The following NELL1 variants were observed in gnomAD, a reference collection of about 807,000 sequenced individuals.
NELL1 encodes neural EGFL like 1, also known as protein kinase C-binding protein NELL1.
Under a neutral mutation model 107.4 loss-of-function variants are expected in NELL1, and 76 were observed. The observed-to-expected ratio is 0.71, with a 90% CI of 0.59 to 0.86. The LOEUF (loss-of-function observed/expected upper bound fraction) is 0.86, where lower values mean the gene tolerates loss of function less well. NELL1 is among the 40% of genes least tolerant of loss of function. The probability of loss-of-function intolerance (pLI) is 0.00; values close to 1 mark genes in which losing one functional copy is unlikely to be tolerated. For synonymous variants in NELL1, 353 were observed against 341.2 expected (o/e 1.03, Z -0.38); for missense variants, 1,024 against 1,005.5 (o/e 1.02, Z -0.25).
At chr11:21,102,832 A>G (rs1053998271) in intron 12 of NELL1, among the ~76,000 whole-genome samples, 1 of 152,012 alleles carries the variant, frequency 6.6e-6, no homozygotes, top group East Asian at 1.9e-4. Context: ...CCATCCATTC[A>G]TTTTTGTCTC....
intron 12 of NELL1, among the ~76,000 whole-genome samples, chr11:21,050,163 G>A (rs1853457793): frequency 6.6e-6 from 1 of 151,994 alleles, no homozygotes; most frequent in African/African-American, 2.4e-5. Flanking sequence ...AACTTGGCTT[G>A]CCCCACTCCT....
At chr11:21,527,552 T>C (rs1855885727) in intron 15 of NELL1, among the ~76,000 whole-genome samples, 1 of 152,148 alleles carries the variant, frequency 6.6e-6, no homozygotes, top group Non-Finnish European at 1.5e-5. Flanking sequence ...ATAGGATAGA[T>C]GAATATATGA....
At chr11:20,966,027 A>G (rs914089920) in intron 12 of NELL1, among the ~76,000 whole-genome samples, 14 of 152,198 alleles carry the variant, frequency 9.2e-5, no homozygotes, top group African/African-American at 2.4e-5. Flanking sequence ...TGTGAACATC[A>G]TGATCTACAT....
intron 12 of NELL1, among the ~76,000 whole-genome samples, chr11:21,077,120 A>G (rs780091538): frequency 1.5e-4 from 23 of 152,292 alleles, no homozygotes; most frequent in African/African-American, 5.5e-4. Context: ...AAGTAGTGAT[A>G]AAAAGGGTCA....
intron 14 of NELL1, among the ~76,000 whole-genome samples, chr11:21,301,463 T>A (rs539978371): frequency 6.4e-4 from 97 of 152,314 alleles, no homozygotes; most frequent in African/African-American, 2.2e-3. Flanking sequence ...GGTATCTCAT[T>A]GTGGTTTTCA....
chr11:21,513,206 C>T (rs1855481663), intron 15 of NELL1, among the ~76,000 whole-genome samples: 1 of 152,188 alleles, frequency 6.6e-6, no homozygotes, highest in South Asian at 2.1e-4. Context: ...CACCATTTTA[C>T]TCAGTGAATT....
intron 15 of NELL1, among the ~76,000 whole-genome samples, chr11:21,509,797 A>G (rs747534826): frequency 1.3e-4 from 20 of 152,248 alleles, no homozygotes; most frequent in Non-Finnish European, 2.6e-4. Flanking sequence ...ATTGTTGCCT[A>G]TATTATAGTA....
intron 2 of NELL1, among the ~76,000 whole-genome samples, chr11:20,721,442 CT>C (rs1301536126): frequency 9.2e-5 from 14 of 152,036 alleles, no homozygotes; most frequent in Admixed American, 2.0e-4. Flanking sequence ...TTTTCACCCC[CT>C]GGGATTCATG....
At chr11:21,413,954 G>T (rs781011585) in intron 15 of NELL1, among the ~76,000 whole-genome samples, 2 of 152,006 alleles carry the variant, frequency 1.3e-5, no homozygotes, top group Non-Finnish European at 2.9e-5. Flanking sequence ...GAATGATCAA[G>T]ATTTTTTTGT....
At chr11:21,382,020 C>G (rs1421099096) in intron 15 of NELL1, among the ~76,000 whole-genome samples, 1 of 146,026 alleles carries the variant, frequency 6.8e-6, no homozygotes, top group Non-Finnish European at 1.5e-5. Flanking sequence ...ATGGGTGACT[C>G]TGTACATAGG....
At chr11:21,466,281 G>A (rs73463108) in intron 15 of NELL1, among the ~76,000 whole-genome samples, 14,212 of 152,134 alleles carry the variant, frequency 0.093, 1,098 homozygotes, top group African/African-American at 0.21. Context: ...ACTAGACATG[G>A]CACCCTACTA....
chr11:21,004,562 T>G (rs1590528316), intron 12 of NELL1, among the ~76,000 whole-genome samples: 1 of 151,866 alleles, frequency 6.6e-6, no homozygotes, highest in South Asian at 2.1e-4. Context: ...CACAGGGAGG[T>G]TTTCAGATAC....
At chr11:20,749,414 C>T (rs1318762616) in intron 2 of NELL1, among the ~76,000 whole-genome samples, 1 of 151,856 alleles carries the variant, frequency 6.6e-6, no homozygotes, top group Admixed American at 6.6e-5. Context: ...GCCTGGGTAA[C>T]ACAATGAGAC....
chr11:21,203,528 T>C (rs1339049639), intron 13 of NELL1, among the ~76,000 whole-genome samples: 1 of 151,560 alleles, frequency 6.6e-6, no homozygotes, highest in Non-Finnish European at 1.5e-5. Context: ...GTGATGGGTC[T>C]CCTGAATACA....
chr11:20,687,913 A>G (rs1854348695), intron 2 of NELL1, among the ~76,000 whole-genome samples: 1 of 152,096 alleles, frequency 6.6e-6, no homozygotes, highest in Non-Finnish European at 1.5e-5. Context: ...AAAATTAAAT[A>G]GGTCAAAGAA....
intron 15 of NELL1, among the ~76,000 whole-genome samples, chr11:21,418,961 G>A (rs948664643): frequency 6.6e-6 from 1 of 152,100 alleles, no homozygotes; most frequent in East Asian, 1.9e-4. Context: ...TATTACTACA[G>A]CATGACTAGC....
intron 13 of NELL1, among the ~76,000 whole-genome samples, chr11:21,160,681 T>C (rs1856344410): frequency 6.6e-6 from 1 of 152,188 alleles, no homozygotes; most frequent in Admixed American, 6.5e-5. Context: ...TTTTTGAATA[T>C]TTTAGCAAGT....
At chr11:20,873,732 A>T (rs1849247539) in intron 4 of NELL1, among the ~76,000 whole-genome samples, 1 of 150,520 alleles carries the variant, frequency 6.6e-6, no homozygotes, top group African/African-American at 2.4e-5. Flanking sequence ...TCCCTGGCTG[A>T]TGCTGTTTGT....
intron 14 of NELL1, among the ~76,000 whole-genome samples, chr11:21,279,727 A>G (rs1223818305): frequency 6.6e-6 from 1 of 152,204 alleles, no homozygotes; most frequent in Non-Finnish European, 1.5e-5. Context: ...TATTTTTCCA[A>G]ATGAGTTGTA....
Sources: allele counts gnomAD v4.1 joint callset (sites outside exome capture counted in the v4.1 genomes callset), GRCh38; gene constraint gnomAD v4.1.1; transcripts MANE v1.5; gene names NCBI Gene and HGNC (gene_info 2026-07-23, HGNC 2026-07-21).